NCOR2: variants seen among roughly 807,000 people sequenced by gnomAD.
NCOR2 encodes the protein CTG repeat protein 26.
A neutral mutation model predicts 262.9 loss-of-function variants in NCOR2; 81 were observed. The observed-to-expected ratio is 0.31, with a 90% CI of 0.26 to 0.37. The LOEUF is 0.37. NCOR2 is among the 10% of genes least tolerant of loss of function. NCOR2 has a pLI of 1.00. For synonymous variants in NCOR2, 1,659 were observed against 1,559.3 expected (o/e 1.06, Z -1.51); for missense variants, 3,385 against 3,621.4 (o/e 0.93, Z 1.68).
upstream of NCOR2, among the ~76,000 whole-genome samples, chr12:124,540,460 G>A (rs1371188102): frequency 1.9e-5 from 1 of 52,136 alleles, no homozygotes; most frequent in Non-Finnish European, 3.8e-5. Context: ...GGGGGATGGA[G>A]GTGGAGAGCT....
chr12:124,419,770 C>T (rs1376497342), intron 13 of NCOR2, among the ~76,000 whole-genome samples, 187 bp downstream of exon 15: 1 of 152,220 alleles, frequency 6.6e-6, no homozygotes, highest in Non-Finnish European at 1.5e-5. Flanking sequence ...GGTGAGCACC[C>T]CAGAGGGGGT....
At position 124,483,523 on chromosome 12, in the gene NCOR2, A is replaced by T. The variant is rs1243330729; in HGVS notation, c.411+73T>A. 37 of 1,333,144 alleles carry T rather than the reference A, an allele frequency of 2.8e-5. No homozygotes were observed. The highest frequency in any genetic ancestry group is 3.4e-5 in the Non-Finnish European group (34 of 1,010,512). The allele number at this position is 1,333,144 out of a possible 1,614,324, so 82.6% of individuals were successfully genotyped here. A position where few individuals can be genotyped will look rare whatever the true frequency, so the allele number is the denominator to read the frequency against. On this transcript the variant is annotated intron_variant, in intron 3 of 46. Transcript: ENST00000405201. This position sits in a 1 kb window ranked among gnomAD's most constrained non-coding sequence, Gnocchi z 6.3. Reference sequence around the variant, plus strand: ...CCCCCTCCCTGCACCCCTACCCACCACCTCCCACCCAGCCCAACCAGCAGC... The same window carrying T: ...CCCCCTCCCTGCACCCCTACCCACCTCCTCCCACCCAGCCCAACCAGCAGC...
intron 7 of NCOR2, among the ~76,000 whole-genome samples, chr12:124,448,327 G>C (rs1332019123): frequency 6.6e-6 from 1 of 152,228 alleles, no homozygotes; most frequent in African/African-American, 2.4e-5. Context: ...GGAAGCTGCA[G>C]AAGGGACAGG....
intron 16 of NCOR2, among the ~76,000 whole-genome samples, chr12:124,393,724 C>T (rs893715393): frequency 1.3e-5 from 2 of 152,234 alleles, no homozygotes; most frequent in Non-Finnish European, 2.9e-5. Flanking sequence ...CTGTGTGACC[C>T]TAGGCTGCTC....
chr12:124,460,910 C>T (rs567655414), intron 5 of NCOR2, among the ~76,000 whole-genome samples: 45 of 152,334 alleles, frequency 3.0e-4, no homozygotes, highest in African/African-American at 1.0e-3. Context: ...TCCTGGCAAA[C>T]AGCAAGTGCT....
At chr12:124,342,559 G>A (rs1176799180) in intron 33 of NCOR2, among the ~76,000 whole-genome samples, 5 of 152,140 alleles carry the variant, frequency 3.3e-5, no homozygotes, top group East Asian at 1.9e-4. Flanking sequence ...TAGTAGGGAC[G>A]GGGTTTCACC....
intron 1 of NCOR2, among the ~76,000 whole-genome samples, chr12:124,505,847 C>T (rs1163782976): frequency 1.3e-5 from 2 of 152,154 alleles, no homozygotes; most frequent in Non-Finnish European, 2.9e-5. Flanking sequence ...GATAGGCAAA[C>T]TGAGTCTGGG....
At position 124,549,729 on chromosome 12, in the gene NCOR2, C is replaced by T. The variant is rs541981157; in HGVS notation, c.-164-14118G>A. On this transcript the variant is annotated intron_variant, in intron 1 of 32. Transcript: ENST00000458234. The surrounding 1 kb of genome is among the most constrained non-coding windows in gnomAD (Gnocchi z 4.4). ...AACAGCCCGCCTGAAGGTGACAGAG[C>T]GCCTCGCCGTATCACCAGCAACCCC... Among the ~76,000 whole-genome samples, 10 of 152,286 alleles carry T rather than the reference C, an allele frequency of 6.6e-5. No homozygotes were observed. In the South Asian group the frequency reaches 2.1e-3, roughly 32 times the overall value.
chr12:124,371,571 C>T (rs1243359151), intron 20 of NCOR2, among the ~76,000 whole-genome samples: 1 of 152,210 alleles, frequency 6.6e-6, no homozygotes, highest in East Asian at 1.9e-4. Context: ...CAATCACGAC[C>T]GCCAGCAGCG....
intron 8 of NCOR2, among the ~76,000 whole-genome samples, chr12:124,433,492 C>T (rs1415079166): frequency 1.3e-5 from 2 of 152,190 alleles, no homozygotes; most frequent in East Asian, 1.9e-4. Context: ...CAAGACGGCC[C>T]GGCTCTAGCT....
At chr12:124,390,338 C>T (rs1002863208) in intron 16 of NCOR2, among the ~76,000 whole-genome samples, 35 of 152,224 alleles carry the variant, frequency 2.3e-4, no homozygotes, top group African/African-American at 8.0e-4. Context: ...CTGGGTCACT[C>T]GTGTGTGCCC....
intron 44 of NCOR2, among the ~76,000 whole-genome samples, chr12:124,330,608 C>T (rs980662447): frequency 6.6e-6 from 1 of 152,314 alleles, no homozygotes; most frequent in African/African-American, 2.4e-5. Flanking sequence ...ACTAACCACC[C>T]GAGGGGATCT....
At chr12:124,434,950 A>G (rs1023051767) in intron 8 of NCOR2, among the ~76,000 whole-genome samples, 1 of 152,196 alleles carries the variant, frequency 6.6e-6, no homozygotes, top group Non-Finnish European at 1.5e-5. Context: ...ATTCTTTACT[A>G]CAAATACATG....
chr12:124,356,977 G>A (rs2038000647), intron 22 of NCOR2, 195 bp from the exon 25 acceptor site: 2 of 589,296 alleles, frequency 3.4e-6, no homozygotes, highest in Non-Finnish European at 5.2e-6. Context: ...ATTCTGCTCA[G>A]CAGGGGAGGG....
intron 37 of NCOR2, among the ~76,000 whole-genome samples, chr12:124,338,931 C>A: frequency 6.9e-6 from 1 of 144,724 alleles, no homozygotes; most frequent in African/African-American, 2.6e-5. Context: ...CCCAGCTAAC[C>A]CAGCCATCTA....
intron 42 of NCOR2, 124 bp downstream of exon 44, chr12:124,333,006 G>C (rs1289265325): frequency 1.7e-5 from 22 of 1,329,770 alleles, no homozygotes; most frequent in Non-Finnish European, 2.1e-5. Context: ...TGGCAGGCTT[G>C]AGGTCACCCA....
chr12:124,493,972 G>A (rs2048237208), intron 1 of NCOR2, among the ~76,000 whole-genome samples: 1 of 152,152 alleles, frequency 6.6e-6, no homozygotes, highest in African/African-American at 2.4e-5. Context: ...GGGCCGCCCA[G>A]GAGAATGCAA....
At chr12:124,408,098 T>TA (rs2042373574) in intron 13 of NCOR2, among the ~76,000 whole-genome samples, 2 of 152,200 alleles carry the variant, frequency 1.3e-5, no homozygotes, top group South Asian at 2.1e-4. Flanking sequence ...CTCACGCCTG[T>TA]AATCCCAGCA....
At chr12:124,564,999 A>G (rs2052188370) in intron 1 of NCOR2, among the ~76,000 whole-genome samples, 1 of 148,942 alleles carries the variant, frequency 6.7e-6, no homozygotes, top group South Asian at 2.1e-4. Flanking sequence ...AGCTCTGGGA[A>G]ATCTTTAGGA....
Sources: gnomAD v4.1 joint callset for allele counts (sites outside exome capture counted in the v4.1 genomes callset) on GRCh38, gnomAD v4.1.1 for gene constraint, Gnocchi (gnomAD v3.1) non-coding constraint, MANE v1.5 for transcripts, NCBI Gene and HGNC (gene_info 2026-07-23, HGNC 2026-07-21) for gene names.